Variants in PACSIN2 observed in about 807,000 individuals in gnomAD.
The protein encoded by PACSIN2 is protein kinase C and casein kinase substrate in neurons 2.
Under a neutral mutation model 63.8 loss-of-function variants are expected in PACSIN2, and 25 were observed. That is an observed-to-expected ratio of 0.39 (90% CI 0.29 to 0.55). The LOEUF (loss-of-function observed/expected upper bound fraction) is 0.55. Among genes scored for constraint, PACSIN2 ranks in the 20% least tolerant of loss-of-function variants. The pLI, the probability that PACSIN2 is intolerant of heterozygous loss-of-function variation, is 0.62. For missense variants in PACSIN2, 518 were observed against 646.9 expected, an observed-to-expected ratio of 0.80 and a Z score of 2.16; for synonymous variants, 255 against 256.2, an observed-to-expected ratio of 1.00 and a Z score of 0.05.
At chr22:42,938,148 T>C (rs1396215566) in intron 1 of PACSIN2, among the ~76,000 whole-genome samples, 4 of 152,154 alleles carry the variant, frequency 2.6e-5, no homozygotes, top group South Asian at 2.1e-4. Context: ...TGAGGTAAGT[T>C]TGGGGAAGGT....
At chr22:42,934,911 CCTTT>C (rs1932865223) in intron 1 of PACSIN2, among the ~76,000 whole-genome samples, 1 of 137,410 alleles carries the variant, frequency 7.3e-6, no homozygotes, top group Admixed American at 7.7e-5. Context: ...TTTCTTTCTT[CCTTT>C]TTCTTTTTCT....
chr22:42,960,711 A>AGGAG (rs1339520506), intron 1 of PACSIN2, among the ~76,000 whole-genome samples: 1 of 152,178 alleles, frequency 6.6e-6, no homozygotes, highest in Non-Finnish European at 1.5e-5. Flanking sequence ...GAAGAGAAAG[A>AGGAG]GGAGGCAGGC....
Position 42,871,485 on chromosome 22 carries a change from G to A in PACSIN2, c.1349-16C>T, listed in dbSNP as rs1928120132. On this transcript the variant is annotated splice_polypyrimidine_tract_variant and intron_variant, in intron 10 of 10. Coordinates refer to ENST00000263246, the MANE Select transcript of PACSIN2 (RefSeq NM_001184970.3). The surrounding 1 kb of genome is among the most constrained non-coding windows in gnomAD (Gnocchi z 5.4). The stretch of plus-strand genomic sequence containing the variant: ...AGCTCATCCCCTGCAAGACAAAGAG[G>A]GAGCCGTCTCCATGAGAGGTATGAC... The A allele has an allele frequency of 3.8e-6, 6 of 1,587,882 alleles. No homozygotes were observed. Among genetic ancestry groups the A allele is most frequent in the Admixed American group, 1.7e-5 (1 of 59,994 alleles).
intron 1 of PACSIN2, among the ~76,000 whole-genome samples, chr22:42,984,954 T>C (rs975596142): frequency 1.3e-5 from 2 of 152,162 alleles, no homozygotes; most frequent in Admixed American, 1.3e-4. Flanking sequence ...ACCCTAGAGA[T>C]GGATATATGT....
At chr22:43,011,575 C>T (rs761931057) in intron 1 of PACSIN2, among the ~76,000 whole-genome samples, 2 of 152,222 alleles carry the variant, frequency 1.3e-5, no homozygotes, top group Non-Finnish European at 2.9e-5. Flanking sequence ...CTGAGCATGA[C>T]GCCCTTAACA....
intron 7 of PACSIN2, among the ~76,000 whole-genome samples, chr22:42,881,431 C>G (rs1159582620): frequency 1.3e-5 from 2 of 152,234 alleles, no homozygotes; most frequent in African/African-American, 4.8e-5. Flanking sequence ...AGCCCGGGCT[C>G]TGGCCGCTGC....
At chr22:42,912,490 C>A (rs1030608765) in intron 1 of PACSIN2, among the ~76,000 whole-genome samples, 4 of 152,196 alleles carry the variant, frequency 2.6e-5, no homozygotes, top group African/African-American at 9.7e-5. Context: ...GTAATCCCAC[C>A]TTTGACACCC....
intron 1 of PACSIN2, among the ~76,000 whole-genome samples, chr22:42,954,078 T>A (rs916943494): frequency 3.3e-5 from 5 of 152,078 alleles, no homozygotes; most frequent in African/African-American, 1.2e-4. Flanking sequence ...CTAGCCAACA[T>A]AGTGAAACCC....
intron 1 of PACSIN2, among the ~76,000 whole-genome samples, chr22:42,976,858 T>C (rs1921739115): frequency 6.6e-6 from 1 of 152,212 alleles, no homozygotes; most frequent in Non-Finnish European, 1.5e-5. Context: ...CTAATTTGGC[T>C]AACGTCAGAG....
chr22:42,966,308 T>C (rs1920955399), intron 1 of PACSIN2, among the ~76,000 whole-genome samples: 1 of 151,796 alleles, frequency 6.6e-6, no homozygotes, highest in Non-Finnish European at 1.5e-5. Flanking sequence ...AGGCGGAGGT[T>C]GCAATGAGAT....
chr22:42,884,163 G>A (rs559927728), intron 6 of PACSIN2, among the ~76,000 whole-genome samples: 24 of 152,326 alleles, frequency 1.6e-4, no homozygotes, highest in Non-Finnish European at 3.2e-4. Context: ...GGTCAACCAG[G>A]CCTTCCAGAG....
chr22:42,950,162 G>A (rs1017958119), intron 1 of PACSIN2, among the ~76,000 whole-genome samples: 1 of 151,656 alleles, frequency 6.6e-6, no homozygotes, highest in Admixed American at 6.6e-5. Context: ...TAAACAATAC[G>A]GTATAACTAT....
intron 1 of PACSIN2, among the ~76,000 whole-genome samples, chr22:42,981,508 T>C (rs1173411667): frequency 1.8e-5 from 1 of 55,000 alleles, no homozygotes; most frequent in Admixed American, 2.2e-4. Context: ...AGCCGCCCCG[T>C]CCGGGAGGGA....
chr22:43,008,629 T>TC (rs1332429220), intron 1 of PACSIN2, among the ~76,000 whole-genome samples: 1 of 152,160 alleles, frequency 6.6e-6, no homozygotes, highest in Non-Finnish European at 1.5e-5. Flanking sequence ...AAAAAATTAG[T>TC]CCATAAAATG....
intron 1 of PACSIN2, among the ~76,000 whole-genome samples, chr22:42,926,806 GCA>G (rs1237959440): frequency 6.6e-6 from 1 of 151,694 alleles, no homozygotes; most frequent in African/African-American, 2.4e-5. Context: ...AATAGCCACT[GCA>G]CTCCTGCCTC....
chr22:42,955,317 G>A (rs190459074), intron 1 of PACSIN2, among the ~76,000 whole-genome samples: 275 of 152,136 alleles, frequency 1.8e-3, no homozygotes, highest in Non-Finnish European at 3.3e-3. Context: ...ACGAACGAAC[G>A]AACGAAAAAA....
intron 1 of PACSIN2, among the ~76,000 whole-genome samples, chr22:42,996,028 G>A (rs895712460): frequency 4.6e-5 from 7 of 151,990 alleles, no homozygotes; most frequent in African/African-American, 1.7e-4. Context: ...AGACCATCCT[G>A]GCTAACACGG....
At position 42,870,560 on chromosome 22, in the gene PACSIN2, C is replaced by T. The variant is rs1000271429; in HGVS notation, c.*797G>A. The T allele has an allele frequency of 6.6e-6, 1 of 152,188 alleles. No individual in the cohort carries two copies. Among genetic ancestry groups the T allele is most frequent in the Non-Finnish European group, 1.5e-5 (1 of 68,034 alleles). 9.4% of individuals were successfully genotyped at this position (152,188 alleles called of 1,614,324 possible). ...CTTGAAAAGTTAGTCTTCTTTTTAA[C>T]TCTGAATCAGTGATAAAATTGTTAA... On this transcript the variant is annotated 3_prime_UTR_variant, in exon 11 of 11. Transcript: ENST00000263246.
At chr22:42,878,940 C>G in intron 8 of PACSIN2, 108 bp downstream of exon 8, 1 of 1,315,394 alleles carries the variant, frequency 7.6e-7, no homozygotes, top group Non-Finnish European at 1.0e-6. Context: ...AGCTCAGGAG[C>G]CCAGGAACCT....
Sources: gnomAD v4.1 joint callset for allele counts (sites outside exome capture counted in the v4.1 genomes callset) on GRCh38, gnomAD v4.1.1 for gene constraint, Gnocchi (gnomAD v3.1) non-coding constraint, MANE v1.5 for transcripts, NCBI Gene and HGNC (gene_info 2026-07-23, HGNC 2026-07-21) for gene names.